Variants in CLSTN1 observed in about 807,000 individuals in gnomAD.
CLSTN1 encodes calsyntenin 1.
Under a neutral mutation model 108.3 loss-of-function variants are expected in CLSTN1, and 28 were observed. The ratio of observed to expected loss-of-function variants is 0.26; its 90% confidence interval spans 0.19 to 0.35. CLSTN1 has a LOEUF of 0.35. Among genes scored for constraint, CLSTN1 ranks in the 10% least tolerant of loss-of-function variants. The pLI is 1.00. For synonymous variants in CLSTN1, 524 were observed against 534.9 expected, an observed-to-expected ratio of 0.98 and a Z score of 0.28; for missense variants, 1,157 against 1,302.6, an observed-to-expected ratio of 0.89 and a Z score of 1.72.
intron 1 of CLSTN1, among the ~76,000 whole-genome samples, chr1:9,786,760 C>A (rs901880663): frequency 1.3e-5 from 2 of 151,134 alleles, no homozygotes; most frequent in African/African-American, 2.4e-5. Context: ...CGCCACCAGG[C>A]GGTCTATGGC....
chr1:9,762,022 C>T (rs1306674817), intron 2 of CLSTN1, among the ~76,000 whole-genome samples: 1 of 152,158 alleles, frequency 6.6e-6, no homozygotes, highest in Non-Finnish European at 1.5e-5. Context: ...AGACCCGAAC[C>T]GCAACTATTC....
rs546336550 is a variant in CLSTN1 at position 9,749,610 on chromosome 1, C to T, written c.836G>A (p.Gly279Asp). 10 of 1,614,188 alleles carry T rather than the reference C, an allele frequency of 6.2e-6. No homozygotes were observed. In the South Asian group the frequency reaches 1.1e-4, roughly 18 times the overall value. The change falls in exon 7 of 19, where the codon GGC (glycine) becomes GAC (aspartate). Residue 279 changes from glycine (G) to aspartate (D), a missense_variant. Coordinates refer to ENST00000377298, the MANE Select transcript of CLSTN1 (RefSeq NM_001009566.3). ...GATATTTGGAAAGACGGCCAACGCGCCGGTGCCCGGCTCATACTCAATCCT... is the reference window on the plus strand; with the variant it reads ...GATATTTGGAAAGACGGCCAACGCGTCGGTGCCCGGCTCATACTCAATCCT... ...NNRIEYEPGT[G>D]ALAVFPNIHL...
chr1:9,769,312 C>A (rs995395831), intron 2 of CLSTN1, among the ~76,000 whole-genome samples: 1 of 151,926 alleles, frequency 6.6e-6, no homozygotes, highest in African/African-American at 2.4e-5. Context: ...GGACTGAAAA[C>A]CTATGTCCAC....
chr1:9,737,791 C>T (rs1248734284), intron 10 of CLSTN1, among the ~76,000 whole-genome samples: 2 of 152,166 alleles, frequency 1.3e-5, no homozygotes, highest in East Asian at 3.9e-4. Context: ...CCCACATCCT[C>T]CTTGCCAAAA....
chr1:9,780,406 A>G (rs988352794), intron 1 of CLSTN1, among the ~76,000 whole-genome samples: 2 of 152,200 alleles, frequency 1.3e-5, no homozygotes, highest in Non-Finnish European at 2.9e-5. Context: ...CAGAAAACCC[A>G]TGATGAGTAG....
intron 2 of CLSTN1, among the ~76,000 whole-genome samples, chr1:9,761,786 T>A (rs182667526): frequency 6.6e-6 from 1 of 152,198 alleles, no homozygotes; most frequent in African/African-American, 2.4e-5. Flanking sequence ...ATATTGCAAA[T>A]GTTTCCTTTG....
At chr1:9,739,182 G>A (rs1244100679) in intron 10 of CLSTN1, among the ~76,000 whole-genome samples, 2 of 152,014 alleles carry the variant, frequency 1.3e-5, no homozygotes, top group Non-Finnish European at 1.5e-5. Flanking sequence ...ATTTCCTTTG[G>A]CAATAAATGT....
chr1:9,784,423 G>C (rs1653390054), intron 1 of CLSTN1, among the ~76,000 whole-genome samples: 1 of 152,144 alleles, frequency 6.6e-6, no homozygotes, highest in Non-Finnish European at 1.5e-5. Flanking sequence ...CAGGAGGAAT[G>C]TTTCAGCCCA....
At chr1:9,783,682 C>A (rs983294163) in intron 1 of CLSTN1, among the ~76,000 whole-genome samples, 1 of 151,530 alleles carries the variant, frequency 6.6e-6, no homozygotes, top group African/African-American at 2.4e-5. Context: ...ATGGTGAAAC[C>A]CCGTCTCCAC....
chr1:9,735,757 T>G, intron 12 of CLSTN1, 128 bp downstream of exon 12: 1 of 1,494,956 alleles, frequency 6.7e-7, no homozygotes, highest in Non-Finnish European at 9.1e-7. Context: ...TTAAGTCCAG[T>G]GAACACAACT....
In CLSTN1 at chr1:9,743,806, C is replaced by T. The variant is rs1449631837; in HGVS notation, c.1356+78G>A. ...CCCCTGGGCTCAAGCAATCCTCGTG[C>T]CCCAGCCTCCCAAAGTGCTGGGATT... On this transcript the variant is annotated intron_variant, in intron 9 of 18. Coordinates refer to ENST00000377298, the MANE Select transcript of CLSTN1 (RefSeq NM_001009566.3). 7 of 1,539,322 alleles carry T rather than the reference C, an allele frequency of 4.5e-6. No homozygotes were observed. In the East Asian group the frequency reaches 1.2e-4, roughly 25 times the overall value.
intron 1 of CLSTN1, among the ~76,000 whole-genome samples, chr1:9,792,041 C>T (rs534110103): frequency 2.0e-5 from 3 of 150,856 alleles, no homozygotes; most frequent in South Asian, 4.5e-4. Flanking sequence ...CCCAGCTACT[C>T]GGGAGGCTGG....
In CLSTN1 at chr1:9,737,704, C is replaced by T. The variant is rs535470359; in HGVS notation, c.1520-150G>A. ...CCGCTCTGGGATGTACCCATCTGGA[C>T]GCAAGCTTGTATTTAATCACCTTTT... On this transcript the variant is annotated intron_variant, in intron 10 of 18. Transcript: ENST00000377298. 56 of 678,866 alleles carry T rather than the reference C, an allele frequency of 8.2e-5. No individual in the cohort carries two copies. In the South Asian group the frequency reaches 9.9e-4, roughly 12 times the overall value. The allele number at this position is 678,866 out of a possible 1,614,324, so 42.1% of individuals were successfully genotyped here. A position where few individuals can be genotyped will look rare whatever the true frequency, so the allele number is the denominator to read the frequency against.
At chr1:9,752,472 T>A (rs547079444) in intron 4 of CLSTN1, among the ~76,000 whole-genome samples, 1 of 152,212 alleles carries the variant, frequency 6.6e-6, no homozygotes, top group African/African-American at 2.4e-5. Context: ...CTGCTCACCA[T>A]GAGCCTCCTC....
chr1:9,807,012 G>T (rs572178195), intron 1 of CLSTN1, among the ~76,000 whole-genome samples: 1 of 145,930 alleles, frequency 6.9e-6, no homozygotes, highest in Admixed American at 6.8e-5. Context: ...GTAAGGGCGT[G>T]GGGGGGGGTC....
At chr1:9,785,611 C>T (rs576320799) in intron 1 of CLSTN1, among the ~76,000 whole-genome samples, 5 of 152,062 alleles carry the variant, frequency 3.3e-5, no homozygotes, top group Non-Finnish European at 7.4e-5. Context: ...CCAAGATGTG[C>T]CAACCAGAAG....
rs1309942191 is a variant in CLSTN1, at chr1:9,730,050, A to G, written c.*458T>C. ...GTTAATCATCTACACAGTACCCCCC[A>G]TCCTGCCATTATTTATACATGCACT... is the stretch of plus-strand genomic sequence containing the variant. On this transcript the variant is annotated 3_prime_UTR_variant, in exon 19 of 19. Transcript: ENST00000377298. The surrounding 1 kb of genome is among the most constrained non-coding windows in gnomAD (Gnocchi z 5.6). 2 of 190,594 alleles carry G rather than the reference A, an allele frequency of 1.0e-5. No individual in the cohort carries two copies. Among genetic ancestry groups the G allele is most frequent in the African/African-American group, 2.3e-5 (1 of 43,294 alleles). The allele number at this position is 190,594 out of a possible 1,614,324, so 11.8% of individuals were successfully genotyped here. A position where few individuals can be genotyped will look rare whatever the true frequency, so the allele number is the denominator to read the frequency against.
chr1:9,741,446 C>T (rs902501061), intron 9 of CLSTN1, among the ~76,000 whole-genome samples, 190 bp from the exon 10 acceptor site: 2 of 152,142 alleles, frequency 1.3e-5, no homozygotes, highest in East Asian at 1.9e-4. Flanking sequence ...TTCCAAACTA[C>T]GGGGGCTGCA....
chr1:9,767,998 A>C (rs1381618038), intron 2 of CLSTN1, among the ~76,000 whole-genome samples: 1 of 152,162 alleles, frequency 6.6e-6, no homozygotes, highest in Non-Finnish European at 1.5e-5. Context: ...GAGGTCTGTG[A>C]CATTAATGAG....
Sources: allele counts gnomAD v4.1 joint callset (sites outside exome capture counted in the v4.1 genomes callset), GRCh38; gene constraint gnomAD v4.1.1; non-coding constraint Gnocchi (gnomAD v3.1); transcripts MANE v1.5; gene names NCBI Gene and HGNC (gene_info 2026-07-23, HGNC 2026-07-21).